ESR1: variants seen among roughly 807,000 people sequenced by gnomAD.
The protein encoded by ESR1 is estrogen receptor 1, also known as estrogen receptor.
In ESR1, 12 loss-of-function variants were observed where a neutral mutation model predicts 52.7. That is an observed-to-expected ratio of 0.23 (90% confidence interval 0.15 to 0.37). The LOEUF is 0.37. ESR1 is among the 10% of genes least tolerant of loss of function. ESR1 has a pLI of 1.00. For synonymous variants in ESR1, 305 were observed against 316.8 expected, an observed-to-expected ratio of 0.96 and a Z score of 0.39; for missense variants, 584 against 779.7, an observed-to-expected ratio of 0.75 and a Z score of 2.99.
chr6:151,699,371 G>T (rs1415700955), intron 1 of ESR1, among the ~76,000 whole-genome samples: 1 of 152,202 alleles, frequency 6.6e-6, no homozygotes, highest in Non-Finnish European at 1.5e-5. Flanking sequence ...ATTTACAAAA[G>T]TGTGGATAAC....
chr6:151,734,571 C>T, intron 2 of ESR1, among the ~76,000 whole-genome samples: 1 of 152,118 alleles, frequency 6.6e-6, no homozygotes, highest in Non-Finnish European at 1.5e-5. Context: ...GTTAGGGCTT[C>T]TTGCTGCACT....
chr6:151,871,507 G>T (rs1359494203), intron 2 of ESR1, among the ~76,000 whole-genome samples: 1 of 152,112 alleles, frequency 6.6e-6, no homozygotes, highest in Admixed American at 6.6e-5. Context: ...GGGTTCAAGA[G>T]ATTCTCCTGC....
At chr6:151,706,836 TA>T (rs777644947) in intron 2 of ESR1, among the ~76,000 whole-genome samples, 5 of 152,080 alleles carry the variant, frequency 3.3e-5, no homozygotes, top group African/African-American at 9.7e-5. Context: ...AGAAGTAAAA[TA>T]AAAAAACAGC....
intron 4 of ESR1, among the ~76,000 whole-genome samples, chr6:151,945,316 C>A (rs1445006251): frequency 1.3e-5 from 2 of 152,086 alleles, no homozygotes; most frequent in Non-Finnish European, 2.9e-5. Flanking sequence ...ATTTATCCAA[C>A]CTGGTGTATG....
Position 151,831,389 on chromosome 6 carries a change from C to T in ESR1, c.453-11208C>T, listed in dbSNP as rs371661629. Among the ~76,000 whole-genome samples, 9 of 152,268 alleles carry T rather than the reference C, an allele frequency of 5.9e-5. No homozygotes were observed. The South Asian group carries it at 8.3e-4, about 14-fold the overall frequency. On this transcript the variant is annotated intron_variant, in intron 1 of 7. Coordinates refer to ENST00000206249, the MANE Select transcript of ESR1 (RefSeq NM_000125.4). The stretch of plus-strand genomic sequence containing the variant: ...TCTTGGGCTGAAGCATTCCTCCCAC[C>T]GCAGCCTTCCAGAGCAGTGAGATTA...
chr6:151,784,121 T>C lies in ESR1; in HGVS notation c.-70-23722T>C, dbSNP rs1242646138. On this transcript the variant is annotated intron_variant, in intron 2 of 2. Transcript: ENST00000404742. ...AGTTTCTCCTCTGTAAAGTCCTTCC[T>C]TACCCCCTTTCCACACTGTACTCTT... Among the ~76,000 whole-genome samples, 6 of 152,326 alleles carry C rather than the reference T, an allele frequency of 3.9e-5. No individual in the cohort carries two copies. The East Asian group carries it at 1.2e-3, about 29-fold the overall frequency.
chr6:151,858,244 G>A (rs972855215), intron 2 of ESR1, among the ~76,000 whole-genome samples: 1 of 152,204 alleles, frequency 6.6e-6, no homozygotes, highest in African/African-American at 2.4e-5. Flanking sequence ...AGAAATCATA[G>A]CAGAGGAAAG....
chr6:151,669,949 T>A (rs1304309763), intron 1 of ESR1, among the ~76,000 whole-genome samples: 1 of 152,122 alleles, frequency 6.6e-6, no homozygotes, highest in African/African-American at 2.4e-5. Flanking sequence ...CAAATTTAGA[T>A]CCACGACAAA....
intron 3 of ESR1, among the ~76,000 whole-genome samples, chr6:151,935,975 A>G (rs2034308127): frequency 6.6e-6 from 1 of 152,134 alleles, no homozygotes; most frequent in African/African-American, 2.4e-5. Flanking sequence ...ATGTAACATG[A>G]AACAGGAGGA....
intron 2 of ESR1, among the ~76,000 whole-genome samples, chr6:151,852,672 T>C (rs1273764932): frequency 6.9e-6 from 1 of 145,730 alleles, no homozygotes; most frequent in Non-Finnish European, 1.5e-5. Context: ...TTATTTATAC[T>C]GTGGCAGTTC....
intron 2 of ESR1, among the ~76,000 whole-genome samples, chr6:151,746,457 C>A (rs2128067719): frequency 6.6e-6 from 1 of 152,254 alleles, no homozygotes; most frequent in Non-Finnish European, 1.5e-5. Context: ...ATAACCAACC[C>A]TATGCATCTG....
chr6:152,108,499 G>A (rs190488638), intron 6 of ESR1, among the ~76,000 whole-genome samples: 4 of 152,192 alleles, frequency 2.6e-5, no homozygotes, highest in Admixed American at 1.3e-4. Context: ...GTTTCTTTTT[G>A]GAGTGAGGAT....
chr6:151,970,184 C>G lies in ESR1; in HGVS notation c.1096+25676C>G, dbSNP rs140356055. ...TCTCTGATCTTGTACTGGCTTAGCACAGTGCTCGGCATTCAGTAAATAAGG... is the reference window on the plus strand; with the variant it reads ...TCTCTGATCTTGTACTGGCTTAGCAGAGTGCTCGGCATTCAGTAAATAAGG... On this transcript the variant is annotated intron_variant, in intron 4 of 7. Transcript: ENST00000206249. Among the ~76,000 whole-genome samples the G allele has an allele frequency of 2.8e-4, 42 of 152,168 alleles. 1 individual carries two copies. In the East Asian group the frequency reaches 7.5e-3, roughly 27 times the overall value.
At chr6:152,127,129 T>C (rs2053736411) in exon 7 of ESR1, 1 of 152,138 alleles carries the variant, frequency 6.6e-6, no homozygotes, top group African/African-American at 2.4e-5. Flanking sequence ...TTCTTGCTAA[T>C]CCTAAACTAC....
At chr6:151,834,547 CA>C (rs945085695) in intron 1 of ESR1, among the ~76,000 whole-genome samples, 2 of 151,938 alleles carry the variant, frequency 1.3e-5, no homozygotes, top group African/African-American at 4.8e-5. Context: ...TGGGGTCTAT[CA>C]GGGGGTTGGG....
At chr6:151,852,048 G>T (rs1481137834) in intron 2 of ESR1, among the ~76,000 whole-genome samples, 2 of 152,172 alleles carry the variant, frequency 1.3e-5, no homozygotes, top group Admixed American at 6.5e-5. Context: ...ATTAAATATG[G>T]GTTATCCAGG....
rs2046899311 is a variant in ESR1 at position 152,053,966 on chromosome 6, T to A, written c.1236-7025T>A. On this transcript the variant is annotated intron_variant, in intron 5 of 7. Transcript: ENST00000206249. This position sits in a 1 kb window ranked among gnomAD's most constrained non-coding sequence, Gnocchi z 4.1. ...GAAAATTACAAATAATATAAATGCC[T>A]ATAATCAGAGCAGTTAAATACATAT... 6.6e-6 allele frequency among the ~76,000 whole-genome samples: 1 copy of A among 152,130 alleles called. No homozygotes were observed. The highest frequency in any genetic ancestry group is 1.5e-5 in the Non-Finnish European group (1 of 68,028).
At chr6:151,924,249 G>A (rs1439967822) in intron 3 of ESR1, among the ~76,000 whole-genome samples, 1 of 152,104 alleles carries the variant, frequency 6.6e-6, no homozygotes, top group African/African-American at 2.4e-5. Context: ...CACCATATTG[G>A]CCAGGCTGGT....
At chr6:151,988,571 A>T (rs1378647535) in intron 4 of ESR1, among the ~76,000 whole-genome samples, 1 of 152,008 alleles carries the variant, frequency 6.6e-6, no homozygotes, top group Admixed American at 6.6e-5. Flanking sequence ...GGCCTTTCGG[A>T]GGGTGGAGGG....
Sources: gnomAD v4.1 joint callset for allele counts (sites outside exome capture counted in the v4.1 genomes callset) on GRCh38, gnomAD v4.1.1 for gene constraint, Gnocchi (gnomAD v3.1) non-coding constraint, MANE v1.5 for transcripts, NCBI Gene and HGNC (gene_info 2026-07-23, HGNC 2026-07-21) for gene names.